APBA2: variants seen among roughly 807,000 people sequenced by gnomAD.
APBA2 encodes the protein amyloid beta precursor protein binding family A member 2.
APBA2 carries 30 observed loss-of-function variants against 75.0 expected under a neutral mutation model. The observed-to-expected ratio is 0.40, with a 90% CI of 0.30 to 0.54. APBA2 has a LOEUF of 0.54. Among genes scored for constraint, APBA2 ranks in the 20% least tolerant of loss-of-function variants. The pLI, the probability that APBA2 is intolerant of heterozygous loss-of-function variation, is 0.49. For missense variants in APBA2, 801 were observed against 1,016.1 expected, an observed-to-expected ratio of 0.79 and a Z score of 2.88; for synonymous variants, 444 against 409.6, an observed-to-expected ratio of 1.08 and a Z score of -1.01.
rs183573502 is a variant in APBA2 at position 28,991,846 on chromosome 15, A to G, written c.-94-3907A>G. Among the ~76,000 whole-genome samples, 50 of 152,172 alleles carry G rather than the reference A, an allele frequency of 3.3e-4. No individual in the cohort carries two copies. Among genetic ancestry groups the G allele is most frequent in the African/African-American group, 1.2e-3 (48 of 41,522 alleles). On this transcript the variant is annotated intron_variant, in intron 2 of 14. Coordinates refer to ENST00000683413, the MANE Select transcript of APBA2 (RefSeq NM_001353788.2). The surrounding 1 kb of genome is among the most constrained non-coding windows in gnomAD (Gnocchi z 4.7). Reference sequence around the variant, plus strand: ...GGGTTATTATTGTTCACCAGATTCCACTTGCTCTACAACCCAGGCACAGTG... The same window carrying G: ...GGGTTATTATTGTTCACCAGATTCCGCTTGCTCTACAACCCAGGCACAGTG...
At chr15:28,958,919 G>A (rs756983576) in intron 2 of APBA2, among the ~76,000 whole-genome samples, 2 of 151,848 alleles carry the variant, frequency 1.3e-5, no homozygotes, top group Non-Finnish European at 2.9e-5. Flanking sequence ...TGGTGGTTCA[G>A]TAACTATTCA....
At chr15:28,948,951 G>A (rs1004438137) in intron 2 of APBA2, among the ~76,000 whole-genome samples, 2 of 151,744 alleles carry the variant, frequency 1.3e-5, no homozygotes, top group African/African-American at 4.8e-5. Context: ...TAAAGCGGGG[G>A]GTGGGGCAGC....
intron 1 of APBA2, among the ~76,000 whole-genome samples, chr15:28,887,023 G>T (rs1451158033): frequency 6.6e-6 from 1 of 152,368 alleles, no homozygotes; most frequent in East Asian, 1.9e-4. Context: ...GGCGGGGAGG[G>T]GGCGAACTTC....
At chr15:28,903,612 G>T (rs888692582) in intron 1 of APBA2, among the ~76,000 whole-genome samples, 11 of 152,244 alleles carry the variant, frequency 7.2e-5, no homozygotes, top group African/African-American at 2.7e-4. Flanking sequence ...GGACCCCGTG[G>T]TCTTGTGGAG....
chr15:29,013,750 TA>T (rs2039520370), intron 3 of APBA2, among the ~76,000 whole-genome samples: 2 of 152,340 alleles, frequency 1.3e-5, no homozygotes, highest in South Asian at 4.1e-4. Context: ...GTGAACTATG[TA>T]AAACAGGCTT....
chr15:29,094,227 C>G, intron 7 of APBA2, 51 bp from the exon 8 acceptor site: 170 of 1,581,534 alleles, frequency 1.1e-4, no homozygotes, highest in Non-Finnish European at 1.3e-4. Flanking sequence ...CCTCACGCAC[C>G]TTCCTTCTCT....
chr15:28,962,510 A>G (rs964492753), intron 2 of APBA2, among the ~76,000 whole-genome samples: 1 of 152,128 alleles, frequency 6.6e-6, no homozygotes, highest in African/African-American at 2.4e-5. Context: ...CGGAGGTTAC[A>G]GTGAGCAGAG....
intron 6 of APBA2, among the ~76,000 whole-genome samples, chr15:29,084,207 T>C (rs2043195483): frequency 6.6e-6 from 1 of 152,262 alleles, no homozygotes; most frequent in Non-Finnish European, 1.5e-5. Context: ...TTTCCTGGCA[T>C]GCAATCATAC....
At chr15:29,033,847 C>G (rs538001808) in intron 3 of APBA2, among the ~76,000 whole-genome samples, 1 of 151,618 alleles carries the variant, frequency 6.6e-6, no homozygotes, top group Admixed American at 6.6e-5. Flanking sequence ...CGCCTGTAGT[C>G]CCAGCTACTC....
chr15:29,076,099 A>G lies in APBA2; in HGVS notation c.1069+8A>G. On this transcript the variant is annotated splice_region_variant and intron_variant, in intron 6 of 14. Coordinates refer to ENST00000683413, the MANE Select transcript of APBA2 (RefSeq NM_001353788.2). ...TTCCAAGTTTTGTGGCTGGTAAGTG[A>G]CTTTGAATTTTATTTCTCAAGGGGC... The G allele has an allele frequency of 6.2e-7, 1 of 1,613,970 alleles. No individual in the cohort carries two copies. The highest frequency in any genetic ancestry group is 8.5e-7 in the Non-Finnish European group (1 of 1,179,854).
intron 1 of APBA2, among the ~76,000 whole-genome samples, chr15:28,915,799 C>T (rs2033664529): frequency 6.6e-6 from 1 of 150,628 alleles, no homozygotes; most frequent in Non-Finnish European, 1.5e-5. Flanking sequence ...ACACACACAA[C>T]ACATTCACAT....
Position 29,115,242 on chromosome 15 carries a change from C to T in APBA2, c.2178+1226C>T, listed in dbSNP as rs536438334. 3.8e-4 allele frequency among the ~76,000 whole-genome samples: 37 copies of T among 98,320 alleles called. No homozygotes were observed. The Middle Eastern group carries it at 0.02, about 52-fold the overall frequency. The allele number at this position is 98,320 out of a possible 152,430, so 64.5% of individuals were successfully genotyped here. On this transcript the variant is annotated intron_variant, in intron 14 of 14. Transcript: ENST00000683413. The stretch of plus-strand genomic sequence containing the variant: ...GCTGAGTGCGTGGCGACCATCCTTG[C>T]AGCCTGTGGGTGGGCGGGTGGGTGG...
At chr15:29,014,750 C>A (rs1008394742) in intron 3 of APBA2, among the ~76,000 whole-genome samples, 1 of 142,286 alleles carries the variant, frequency 7.0e-6, no homozygotes, top group Admixed American at 7.2e-5. Context: ...ACTTTGTTAT[C>A]CAGGCTGGAG....
At chr15:28,900,540 A>G (rs1199680099) in intron 1 of APBA2, among the ~76,000 whole-genome samples, 1 of 152,182 alleles carries the variant, frequency 6.6e-6, no homozygotes, top group East Asian at 1.9e-4. Flanking sequence ...GACTCTCCCC[A>G]TCACCTTGGC....
intron 2 of APBA2, among the ~76,000 whole-genome samples, chr15:28,931,518 C>T (rs1014833895): frequency 6.6e-5 from 10 of 152,166 alleles, no homozygotes; most frequent in East Asian, 1.9e-4. Flanking sequence ...CTGTTGCCAC[C>T]GTGGGCCCAA....
At position 29,053,849 on chromosome 15, in the gene APBA2, T is replaced by A; in HGVS notation, c.-36T>A. ...TCCCAATGTTCCTCCCCACAGTGGC[T>A]GCCTCCGGGTGATGATGGCTGTGTG... On this transcript the variant is annotated 5_prime_UTR_variant, in exon 4 of 15. Transcript: ENST00000683413. 1 of 1,585,386 alleles carries A rather than the reference T, an allele frequency of 6.3e-7. No homozygotes were observed. The highest frequency in any genetic ancestry group is 8.6e-7 in the Non-Finnish European group (1 of 1,160,502).
chr15:28,982,715 G>A (rs74412018), intron 2 of APBA2, among the ~76,000 whole-genome samples: 2,684 of 152,328 alleles, frequency 0.018, 76 homozygotes, highest in African/African-American at 0.061. Context: ...TCATGACAAA[G>A]CAAGACTAGG....
intron 4 of APBA2, among the ~76,000 whole-genome samples, chr15:29,073,955 G>T (rs1201539940): frequency 6.6e-6 from 1 of 152,132 alleles, no homozygotes; most frequent in African/African-American, 2.4e-5. Context: ...CTATGTTGTA[G>T]TAACAGATTG....
intron 1 of APBA2, among the ~76,000 whole-genome samples, chr15:28,903,209 G>C (rs2032958657): frequency 6.6e-6 from 1 of 152,186 alleles, no homozygotes. Context: ...TGTGATACTT[G>C]ATCCCCTGAT....
Sources: allele counts gnomAD v4.1 joint callset (sites outside exome capture counted in the v4.1 genomes callset), GRCh38; gene constraint gnomAD v4.1.1; non-coding constraint Gnocchi (gnomAD v3.1); transcripts MANE v1.5; gene names NCBI Gene and HGNC (gene_info 2026-07-23, HGNC 2026-07-21).